FAXC: variants seen among roughly 807,000 people sequenced by gnomAD.
FAXC encodes the protein failed axon connections homolog.
A neutral mutation model predicts 41.9 loss-of-function variants in FAXC; 10 were observed. That is an observed-to-expected ratio of 0.24 (90% CI 0.15 to 0.41). The LOEUF is 0.41. Among genes scored for constraint, FAXC ranks in the 10% least tolerant of loss-of-function variants. FAXC has a pLI of 1.00. For synonymous variants in FAXC, 183 were observed against 183.8 expected, an observed-to-expected ratio of 1.00 and a Z score of 0.03; for missense variants, 399 against 510.9, an observed-to-expected ratio of 0.78 and a Z score of 2.11.
At chr6:99,317,096 C>T (rs754320127) in intron 4 of FAXC, among the ~76,000 whole-genome samples, 9 of 150,576 alleles carry the variant, frequency 6.0e-5, no homozygotes, top group Non-Finnish European at 1.0e-4. Flanking sequence ...CATTTTCTGA[C>T]TCAATAAAAT....
intron 5 of FAXC, among the ~76,000 whole-genome samples, chr6:99,286,303 C>A (rs1771028480): frequency 6.6e-6 from 1 of 152,206 alleles, no homozygotes; most frequent in South Asian, 2.1e-4. Flanking sequence ...ATTCACAGAT[C>A]TCCAAATACA....
rs566002854 is a variant in FAXC at position 99,296,680 on chromosome 6, C to T, written c.824-4860G>A. ...ATAGTAGCAAAGTGACTTCAGGTTC[C>T]CGCAGTGACCCGACAGACCTCATGG... On this transcript the variant is annotated intron_variant, in intron 4 of 5. Coordinates refer to ENST00000389677, the MANE Select transcript of FAXC (RefSeq NM_032511.4). Among the ~76,000 whole-genome samples the T allele has an allele frequency of 7.2e-5, 11 of 152,220 alleles. No individual in the cohort carries two copies. In the South Asian group the frequency reaches 2.1e-3, roughly 29 times the overall value.
chr6:99,318,900 C>G (rs1467621116), intron 4 of FAXC, among the ~76,000 whole-genome samples: 1 of 152,208 alleles, frequency 6.6e-6, no homozygotes, highest in Non-Finnish European at 1.5e-5. Flanking sequence ...TCTAGCCACG[C>G]TGGTTCCCAA....
intron 4 of FAXC, chr6:99,310,022 G>A (rs922463700): frequency 5.9e-6 from 2 of 340,982 alleles, no homozygotes; most frequent in Non-Finnish European, 8.3e-6. Flanking sequence ...AACCCCATCT[G>A]GCCCGCTCAC....
At chr6:99,344,920 C>G (rs1773541095) in intron 1 of FAXC, among the ~76,000 whole-genome samples, 1 of 152,194 alleles carries the variant, frequency 6.6e-6, no homozygotes, top group Admixed American at 6.6e-5. Flanking sequence ...GGCTAATTAT[C>G]TACCAAGCAT....
At chr6:99,348,575 G>C (rs538534931) in intron 1 of FAXC, among the ~76,000 whole-genome samples, 3 of 152,178 alleles carry the variant, frequency 2.0e-5, no homozygotes, top group Non-Finnish European at 4.4e-5. Flanking sequence ...AGAGAACCAG[G>C]TTAAGGCTGC....
At chr6:99,325,541 C>G (rs4840031) in intron 3 of FAXC, among the ~76,000 whole-genome samples, 1 of 152,176 alleles carries the variant, frequency 6.6e-6, no homozygotes, top group African/African-American at 2.4e-5. Flanking sequence ...TGTGTATAGT[C>G]GGAGCATTCC....
chr6:99,290,195 G>A (rs533150684), intron 5 of FAXC, among the ~76,000 whole-genome samples: 18 of 150,242 alleles, frequency 1.2e-4, no homozygotes, highest in African/African-American at 3.4e-4. Context: ...CTATCTTTCC[G>A]TATGCCATTT....
At position 99,301,390 on chromosome 6, in the gene FAXC, T is replaced by C. The variant is rs905699435; in HGVS notation, c.824-9570A>G. On this transcript the variant is annotated intron_variant, in intron 4 of 5. Coordinates refer to ENST00000389677, the MANE Select transcript of FAXC (RefSeq NM_032511.4). ...CTCTGTGCCCTGACAATTCAATGGT[T>C]AAGAATGGCCACAGGCATTGCATGC... Among the ~76,000 whole-genome samples, 3 of 152,330 alleles carry C rather than the reference T, an allele frequency of 2.0e-5. No homozygotes were observed. The South Asian group carries it at 6.2e-4, about 32-fold the overall frequency.
intron 3 of FAXC, among the ~76,000 whole-genome samples, chr6:99,329,230 T>C (rs1772938032): frequency 6.6e-6 from 1 of 152,180 alleles, no homozygotes; most frequent in Non-Finnish European, 1.5e-5. Flanking sequence ...ATGTATCTAA[T>C]CTCTTCTGCA....
chr6:99,326,907 A>G (rs1372665049), intron 3 of FAXC, among the ~76,000 whole-genome samples: 1 of 152,156 alleles, frequency 6.6e-6, no homozygotes, highest in Non-Finnish European at 1.5e-5. Context: ...TTTTAGCAGT[A>G]GCAGGCATGA....
chr6:99,331,228 T>C (rs1283579303), intron 3 of FAXC, among the ~76,000 whole-genome samples: 1 of 152,162 alleles, frequency 6.6e-6, no homozygotes, highest in Non-Finnish European at 1.5e-5. Context: ...CCCTCCAACA[T>C]TTTTCAAATT....
intron 1 of FAXC, among the ~76,000 whole-genome samples, chr6:99,346,981 G>C (rs185187295): frequency 1.3e-5 from 2 of 152,180 alleles, no homozygotes; most frequent in African/African-American, 4.8e-5. Context: ...AACAAAACTG[G>C]CCAAGTATGG....
chr6:99,313,745 A>C (rs1772233236), intron 4 of FAXC, among the ~76,000 whole-genome samples: 1 of 152,248 alleles, frequency 6.6e-6, no homozygotes, highest in African/African-American at 2.4e-5. Context: ...ACATGAAGTC[A>C]GAATTGAACT....
chr6:99,287,346 T>A (rs1771065215), intron 5 of FAXC, among the ~76,000 whole-genome samples: 1 of 152,226 alleles, frequency 6.6e-6, no homozygotes, highest in East Asian at 1.9e-4. Context: ...TTGTTCTCTG[T>A]GAAAAATGGT....
chr6:99,330,561 T>A (rs1418546220), intron 3 of FAXC, among the ~76,000 whole-genome samples: 1 of 152,230 alleles, frequency 6.6e-6, no homozygotes, highest in Non-Finnish European at 1.5e-5. Context: ...TGATGTAATA[T>A]AACAATGCTA....
At chr6:99,315,870 GA>G (rs551056285) in intron 4 of FAXC, among the ~76,000 whole-genome samples, 124 of 152,224 alleles carry the variant, frequency 8.1e-4, no homozygotes, top group Non-Finnish European at 1.4e-3. Flanking sequence ...CCTCACAACT[GA>G]AACTGTATTT....
intron 5 of FAXC, among the ~76,000 whole-genome samples, chr6:99,287,487 GTCC>G (rs1473068590): frequency 1.3e-5 from 2 of 152,070 alleles, no homozygotes; most frequent in Admixed American, 1.3e-4. Flanking sequence ...TTCAAAGCCT[GTCC>G]TCCTGCTCAT....
intron 4 of FAXC, among the ~76,000 whole-genome samples, chr6:99,312,879 G>A (rs1772200264): frequency 6.6e-6 from 1 of 152,146 alleles, no homozygotes; most frequent in African/African-American, 2.4e-5. Context: ...ATATGTCAAT[G>A]CCTCTCCCAT....
Sources: gnomAD v4.1 joint callset for allele counts (sites outside exome capture counted in the v4.1 genomes callset) on GRCh38, gnomAD v4.1.1 for gene constraint, MANE v1.5 for transcripts, NCBI Gene and HGNC (gene_info 2026-07-23, HGNC 2026-07-21) for gene names.